BCAP29: variants seen among roughly 807,000 people sequenced by gnomAD.
The protein encoded by BCAP29 is B-cell receptor-associated protein 29.
In BCAP29, 34 loss-of-function variants were observed where a neutral mutation model predicts 31.8. The observed-to-expected ratio is 1.07, with a 90% CI of 0.81 to 1.42. The LOEUF (loss-of-function observed/expected upper bound fraction) is 1.42. Among genes scored for constraint, BCAP29 ranks in the 40% most tolerant of loss-of-function variants. The pLI is 0.00. For missense variants in BCAP29, 314 were observed against 269.2 expected (o/e 1.17, Z -1.16); for synonymous variants, 104 against 91.3 (o/e 1.14, Z -0.79).
At chr7:107,611,707 G>C (rs1044633162) in intron 6 of BCAP29, among the ~76,000 whole-genome samples, 4 of 152,116 alleles carry the variant, frequency 2.6e-5, no homozygotes, top group African/African-American at 9.7e-5. Context: ...TTCCATACCT[G>C]ACTCATACCT....
At position 107,618,464 on chromosome 7, in the gene BCAP29, C is replaced by G; in HGVS notation, c.*101C>G. The G allele has an allele frequency of 1.9e-6, 3 of 1,612,530 alleles. No homozygotes were observed. The highest frequency in any genetic ancestry group is 2.5e-6 in the Non-Finnish European group (3 of 1,179,150). ...TCAGAAAAATGCACTATGACCGGTT[C>G]GTAATTTTTTTAATGCCACACATAG... On this transcript the variant is annotated 3_prime_UTR_variant, in exon 8 of 8. Transcript: ENST00000005259.
downstream of BCAP29, chr7:107,622,072 A>G (rs1338105509): frequency 1.4e-5 from 6 of 429,872 alleles, no homozygotes; most frequent in East Asian, 5.8e-5. Flanking sequence ...TTCTCCTTCA[A>G]CTGTATTTTG....
intron 6 of BCAP29, among the ~76,000 whole-genome samples, chr7:107,606,573 G>A (rs913431703): frequency 6.6e-6 from 1 of 152,150 alleles, no homozygotes; most frequent in African/African-American, 2.4e-5. Context: ...AGTGTGCTAT[G>A]TAAAATGGGA....
intron 5 of BCAP29, among the ~76,000 whole-genome samples, chr7:107,598,336 A>G (rs1810221795): frequency 6.6e-6 from 1 of 152,122 alleles, no homozygotes; most frequent in Non-Finnish European, 1.5e-5. Flanking sequence ...AAAAAGAAAA[A>G]CTTTTAATTT....
chr7:107,582,084 TG>T (rs1806783681), intron 2 of BCAP29, among the ~76,000 whole-genome samples: 2 of 152,334 alleles, frequency 1.3e-5, no homozygotes, highest in South Asian at 4.1e-4. Flanking sequence ...TTTTGCTTTT[TG>T]GTAATATTTG....
intron 5 of BCAP29, among the ~76,000 whole-genome samples, chr7:107,597,398 A>G (rs550594885): frequency 1.3e-5 from 2 of 152,246 alleles, no homozygotes; most frequent in Middle Eastern, 3.4e-3. Flanking sequence ...TCTCTATCAG[A>G]GACACATTAT....
At chr7:107,607,642 T>C (rs1812351607) in intron 6 of BCAP29, among the ~76,000 whole-genome samples, 1 of 150,128 alleles carries the variant, frequency 6.7e-6, no homozygotes, top group Non-Finnish European at 1.5e-5. Flanking sequence ...TTTCTTTTTT[T>C]TTTTTTTTTT....
At chr7:107,596,071 C>A in intron 5 of BCAP29, 69 bp downstream of exon 5, 2 of 1,326,788 alleles carry the variant, frequency 1.5e-6, no homozygotes, top group South Asian at 1.7e-5. Context: ...TTGTTTTCAG[C>A]ATCAAAAAGA....
chr7:107,602,303 C>G (rs1188310632), intron 6 of BCAP29, among the ~76,000 whole-genome samples: 1 of 152,106 alleles, frequency 6.6e-6, no homozygotes, highest in Admixed American at 6.5e-5. Context: ...TTGAGAAGAT[C>G]AGAGTTCCGT....
chr7:107,580,973 CACCT>C, intron 2 of BCAP29, 109 bp downstream of exon 2: 2 of 692,246 alleles, frequency 2.9e-6, no homozygotes, highest in Non-Finnish European at 4.6e-6. Context: ...AAAATAAACT[CACCT>C]AACGAATTAG....
intron 6 of BCAP29, among the ~76,000 whole-genome samples, chr7:107,602,828 T>C (rs906908299): frequency 6.6e-6 from 1 of 152,084 alleles, no homozygotes; most frequent in Non-Finnish European, 1.5e-5. Context: ...CTATTACCGG[T>C]GCTTCCGTGC....
downstream of BCAP29, chr7:107,621,614 A>G (rs752363100): frequency 2.2e-6 from 1 of 445,842 alleles, no homozygotes; most frequent in Non-Finnish European, 4.7e-6. Flanking sequence ...ATGCAGCTAC[A>G]TCTATGCTTA....
At position 107,597,487 on chromosome 7, in the gene BCAP29, T is replaced by C. The variant is rs375502545; in HGVS notation, c.480+1485T>C. ...CATGTGACCTAGCACAAATCACCTATGTTAATGGGCCTCAAAGTTCCTTAG... is the reference window on the plus strand; with the variant it reads ...CATGTGACCTAGCACAAATCACCTACGTTAATGGGCCTCAAAGTTCCTTAG... On this transcript the variant is annotated intron_variant, in intron 5 of 7. Transcript: ENST00000005259. Among the ~76,000 whole-genome samples, 26 of 152,326 alleles carry C rather than the reference T, an allele frequency of 1.7e-4. No individual in the cohort carries two copies. The East Asian group carries it at 4.8e-3, about 28-fold the overall frequency.
intron 5 of BCAP29, among the ~76,000 whole-genome samples, chr7:107,599,170 A>G (rs1233729719): frequency 1.4e-5 from 1 of 70,338 alleles, no homozygotes; most frequent in Admixed American, 1.6e-4. Context: ...TAAATATATA[A>G]ATATATTAAA....
chr7:107,613,764 T>A, intron 7 of BCAP29: 1 of 1,592,344 alleles, frequency 6.3e-7, no homozygotes, highest in Non-Finnish European at 8.6e-7. Flanking sequence ...GTTTGCCATA[T>A]TCATGCCAAA....
intron 7 of BCAP29, chr7:107,616,214 C>A (rs545053514): frequency 2.6e-5 from 4 of 152,498 alleles, no homozygotes; most frequent in African/African-American, 7.2e-5. Context: ...TCTACTCTTT[C>A]TGCTATAGAG....
At chr7:107,589,734 A>G (rs1808370399) in intron 3 of BCAP29, among the ~76,000 whole-genome samples, 2 of 152,210 alleles carry the variant, frequency 1.3e-5, no homozygotes. Context: ...AAGATACACT[A>G]TATTCTGGGC....
At chr7:107,621,861 T>C (rs752142608), downstream of BCAP29, 2 of 533,832 alleles carry the variant, frequency 3.7e-6, no homozygotes, top group Non-Finnish European at 7.7e-6. Context: ...AAATTTATTG[T>C]TTCAAGCTAT....
chr7:107,606,363 A>G (rs575122544), intron 6 of BCAP29, among the ~76,000 whole-genome samples: 11 of 152,320 alleles, frequency 7.2e-5, no homozygotes, highest in Non-Finnish European at 1.6e-4. Context: ...AATTATTTTC[A>G]TTGTTGGCTT....
Sources: gnomAD v4.1 joint callset for allele counts (sites outside exome capture counted in the v4.1 genomes callset) on GRCh38, gnomAD v4.1.1 for gene constraint, MANE v1.5 for transcripts, NCBI Gene and HGNC (gene_info 2026-07-23, HGNC 2026-07-21) for gene names.